MYL1: variants seen among roughly 807,000 people sequenced by gnomAD.
MYL1 encodes the protein myosin light chain 1, also known as myosin light chain 1/3, skeletal muscle isoform.
A neutral mutation model predicts 21.8 loss-of-function variants in MYL1; 16 were observed. The ratio of observed to expected loss-of-function variants is 0.74; its 90% CI spans 0.50 to 1.12. The LOEUF (loss-of-function observed/expected upper bound fraction) is 1.12. Ranked by LOEUF, MYL1 falls within the 50% of genes most tolerant of loss-of-function variation. The pLI is 0.00. For synonymous variants in MYL1, 99 were observed against 85.2 expected (o/e 1.16, Z -0.89); for missense variants, 246 against 241.0 (o/e 1.02, Z -0.14).
At chr2:210,296,032 G>C (rs1690169123) in intron 3 of MYL1, among the ~76,000 whole-genome samples, 1 of 152,072 alleles carries the variant, frequency 6.6e-6, no homozygotes, top group African/African-American at 2.4e-5. Context: ...ATTTTCAACT[G>C]TCAAGGGAAA....
chr2:210,312,505 C>T (rs1175723765), intron 1 of MYL1, among the ~76,000 whole-genome samples: 33 of 151,662 alleles, frequency 2.2e-4, no homozygotes, highest in Admixed American at 1.1e-3. Context: ...TTTAATTAGG[C>T]CTGTTACCTC....
chr2:210,291,174 C>T, intron 5 of MYL1, 100 bp from the exon 6 acceptor site: 1 of 905,348 alleles, frequency 1.1e-6, no homozygotes. Context: ...CTATTTTTAG[C>T]TGTAACAATA....
At chr2:210,298,338 C>CTACACA in intron 3 of MYL1, 82 bp downstream of exon 3, 1 of 1,292,868 alleles carries the variant, frequency 7.7e-7, no homozygotes, top group South Asian at 1.3e-5. Context: ...CACACACATA[C>CTACACA]TACACACACA....
intron 1 of MYL1, among the ~76,000 whole-genome samples, chr2:210,309,817 A>G (rs550247764): frequency 6.6e-6 from 1 of 152,198 alleles, no homozygotes; most frequent in East Asian, 1.9e-4. Flanking sequence ...TGGCACAGTC[A>G]CTTTATGGTC....
intron 1 of MYL1, among the ~76,000 whole-genome samples, chr2:210,305,769 T>C (rs1370314700): frequency 1.3e-5 from 2 of 152,112 alleles, no homozygotes; most frequent in African/African-American, 4.8e-5. Flanking sequence ...AGTTTAAAAG[T>C]TGTATTTAGG....
At chr2:210,293,971 T>C (rs552690014) in intron 4 of MYL1, among the ~76,000 whole-genome samples, 171 bp from the exon 5 acceptor site, 1 of 152,366 alleles carries the variant, frequency 6.6e-6, no homozygotes, top group East Asian at 1.9e-4. Flanking sequence ...TTTGAATGAG[T>C]TAATTAAATA....
At chr2:210,304,937 G>T (rs1353540432) in intron 1 of MYL1, among the ~76,000 whole-genome samples, 2 of 152,182 alleles carry the variant, frequency 1.3e-5, no homozygotes, top group African/African-American at 4.8e-5. Flanking sequence ...TCTGGAAATG[G>T]TACTGGGAAA....
chr2:210,295,213 C>T (rs1690154703), intron 3 of MYL1, among the ~76,000 whole-genome samples: 1 of 151,998 alleles, frequency 6.6e-6, no homozygotes, highest in Admixed American at 6.6e-5. Flanking sequence ...CTATTACACG[C>T]AATTTATATT....
chr2:210,293,432 A>G (rs1276054108), intron 5 of MYL1, among the ~76,000 whole-genome samples: 1 of 152,230 alleles, frequency 6.6e-6, no homozygotes, highest in Non-Finnish European at 1.5e-5. Context: ...TATTCTATTA[A>G]ATTTGATTCT....
chr2:210,311,533 C>A (rs1365341019), intron 1 of MYL1, among the ~76,000 whole-genome samples: 1 of 151,954 alleles, frequency 6.6e-6, no homozygotes, highest in Admixed American at 6.6e-5. Flanking sequence ...GTGGTGAATA[C>A]GAGAATTAAA....
chr2:210,297,018 C>CATATATATATATAT (rs35761433), intron 3 of MYL1, among the ~76,000 whole-genome samples: 1 of 134,334 alleles, frequency 7.4e-6, no homozygotes, highest in Non-Finnish European at 1.6e-5. Context: ...TGTGTGTGTA[C>CATATATATATATAT]ATATATATAT....
intron 1 of MYL1, among the ~76,000 whole-genome samples, chr2:210,313,630 CA>C (rs1690448369): frequency 6.6e-6 from 1 of 151,778 alleles, no homozygotes; most frequent in African/African-American, 2.4e-5. Flanking sequence ...TCAAATACTT[CA>C]AATACCTACA....
chr2:210,302,643 G>T (rs1175055582), intron 1 of MYL1, 128 bp from the exon 2 acceptor site: 1 of 1,489,360 alleles, frequency 6.7e-7, no homozygotes, highest in Non-Finnish European at 9.1e-7. Context: ...ACTTTTCAGA[G>T]TTCAGGCGTA....
chr2:210,312,260 A>C (rs1477128144), intron 1 of MYL1, among the ~76,000 whole-genome samples: 3 of 151,970 alleles, frequency 2.0e-5, no homozygotes, highest in Non-Finnish European at 2.9e-5. Context: ...CAAAGTCTAG[A>C]GGACAGCTAA....
chr2:210,293,616 C>G, intron 5 of MYL1, 107 bp downstream of exon 5: 1 of 824,916 alleles, frequency 1.2e-6, no homozygotes, highest in Non-Finnish European at 2.0e-6. Flanking sequence ...AATTGATTGT[C>G]ATATGTATGT....
At chr2:210,309,247 G>C (rs1044670857) in intron 1 of MYL1, among the ~76,000 whole-genome samples, 1 of 151,698 alleles carries the variant, frequency 6.6e-6, no homozygotes, top group Non-Finnish European at 1.5e-5. Context: ...AAAATTCAAA[G>C]GTAATATTAG....
In MYL1 at chr2:210,314,920, A is replaced by G; in HGVS notation, c.123T>C (p.Ser41=). ...AKPKEEKIDL[S]AIKIEFSKEQ... ...TCATCCATTTAGTTACCTTAATGGC[A>G]GAGAGGTCAATTTTTTCTTCTTTGG... Residue 41 remains serine, a synonymous_variant, in exon 1 of 7, where the codon TCT becomes TCC. Coordinates refer to ENST00000352451, the MANE Select transcript of MYL1 (RefSeq NM_079420.3). 3 of 1,613,906 alleles carry G rather than the reference A, an allele frequency of 1.9e-6. No individual in the cohort carries two copies. The highest frequency in any genetic ancestry group is 2.5e-6 in the Non-Finnish European group (3 of 1,179,844).
At chr2:210,307,134 A>C (rs1690350630) in intron 1 of MYL1, among the ~76,000 whole-genome samples, 2 of 152,156 alleles carry the variant, frequency 1.3e-5, no homozygotes, top group Admixed American at 6.5e-5. Flanking sequence ...AGTATTCAAC[A>C]TCACCCAGCT....
Position 210,298,544 on chromosome 2 carries a change from G to A in MYL1, c.180C>T (p.Leu60=). The A allele has an allele frequency of 1.2e-6, 2 of 1,613,998 alleles. No homozygotes were observed. Among genetic ancestry groups the A allele is most frequent in the South Asian group, 2.2e-5 (2 of 91,078 alleles). Residue 60 remains leucine, a synonymous_variant, in exon 3 of 7, where the codon CTC becomes CTT. Coordinates refer to ENST00000352451, the MANE Select transcript of MYL1 (RefSeq NM_079420.3). The part of the protein sequence containing the change: ...EQQDEFKEAF[L]LFDRTGDSKI... ...TGGAATCACCTGTTCTGTCAAACAG[G>A]AGAAATGCCTCCTTGAATTCTGCAA... is the stretch of plus-strand genomic sequence containing the variant.
Sources: allele counts gnomAD v4.1 joint callset (sites outside exome capture counted in the v4.1 genomes callset), GRCh38; gene constraint gnomAD v4.1.1; transcripts MANE v1.5; gene names NCBI Gene and HGNC (gene_info 2026-07-23, HGNC 2026-07-21).